The following SPAG16 variants were observed in gnomAD, a reference collection of about 807,000 sequenced individuals.
SPAG16 encodes sperm associated antigen 16, also known as sperm-associated antigen 16 protein.
Under a neutral mutation model 80.4 loss-of-function variants are expected in SPAG16, and 86 were observed. The observed-to-expected ratio is 1.07, with a 90% CI of 0.90 to 1.28. The LOEUF is 1.28. SPAG16 is among the 50% of genes most tolerant of loss of function. The pLI, the probability that SPAG16 is intolerant of heterozygous loss-of-function variation, is 0.00. For missense variants in SPAG16, 870 were observed against 765.3 expected, an observed-to-expected ratio of 1.14 and a Z score of -1.61; for synonymous variants, 294 against 265.9, an observed-to-expected ratio of 1.11 and a Z score of -1.03.
chr2:213,619,074 G>A (rs866464017), intron 10 of SPAG16, among the ~76,000 whole-genome samples: 2 of 152,030 alleles, frequency 1.3e-5, no homozygotes, highest in East Asian at 1.9e-4. Context: ...TTACTACAAC[G>A]GTAAAGCAAC....
At chr2:213,318,268 G>T (rs777224822) in intron 5 of SPAG16, among the ~76,000 whole-genome samples, 5 of 151,936 alleles carry the variant, frequency 3.3e-5, no homozygotes, top group Non-Finnish European at 7.4e-5. Flanking sequence ...TCCATCAGCA[G>T]ATGATGGGAT....
At chr2:213,787,657 A>G (rs1209361217) in intron 10 of SPAG16, among the ~76,000 whole-genome samples, 1 of 152,070 alleles carries the variant, frequency 6.6e-6, no homozygotes, top group Non-Finnish European at 1.5e-5. Context: ...TTTAAATTAT[A>G]TGAACAATTC....
At chr2:214,028,016 A>G (rs539461852) in intron 13 of SPAG16, among the ~76,000 whole-genome samples, 86 of 151,956 alleles carry the variant, frequency 5.7e-4, no homozygotes, top group African/African-American at 2.0e-3. Context: ...TTTCCCTACC[A>G]TCTTCTTAAC....
At chr2:214,177,087 C>T (rs994728872) in intron 15 of SPAG16, among the ~76,000 whole-genome samples, 1 of 151,058 alleles carries the variant, frequency 6.6e-6, no homozygotes, top group African/African-American at 2.4e-5. Flanking sequence ...GAATAAATCT[C>T]TTAAACACAA....
intron 12 of SPAG16, among the ~76,000 whole-genome samples, chr2:213,940,814 T>C (rs114408005): frequency 6.6e-6 from 1 of 152,108 alleles, no homozygotes; most frequent in Non-Finnish European, 1.5e-5. Flanking sequence ...CACACATAAA[T>C]TGTATATGCA....
chr2:213,887,522 T>C (rs574327713), intron 11 of SPAG16, among the ~76,000 whole-genome samples: 1 of 152,024 alleles, frequency 6.6e-6, no homozygotes, highest in East Asian at 1.9e-4. Context: ...ATGAAACATG[T>C]AATTTAAAAA....
chr2:213,940,672 T>G (rs2079161427), intron 12 of SPAG16, among the ~76,000 whole-genome samples: 1 of 139,458 alleles, frequency 7.2e-6, no homozygotes, highest in South Asian at 2.6e-4. Flanking sequence ...TTTACATACA[T>G]AAATTAATAT....
intron 5 of SPAG16, among the ~76,000 whole-genome samples, chr2:213,339,302 C>A (rs115370996): frequency 0.014 from 2,172 of 152,228 alleles, 26 homozygotes; most frequent in South Asian, 0.037. Flanking sequence ...AAGTAGATTT[C>A]TTCTGTTTCA....
chr2:213,925,272 A>G (rs965625201), intron 11 of SPAG16, among the ~76,000 whole-genome samples: 3 of 152,004 alleles, frequency 2.0e-5, no homozygotes, highest in Admixed American at 6.6e-5. Context: ...TTCTGTCCCT[A>G]AAATATATCC....
intron 14 of SPAG16, among the ~76,000 whole-genome samples, chr2:214,142,182 A>G (rs1017536526): frequency 1.3e-5 from 2 of 152,120 alleles, no homozygotes; most frequent in South Asian, 2.1e-4. Flanking sequence ...CATCCTATCT[A>G]TAGAGCCCTA....
At chr2:214,264,423 C>T (rs976351089) in intron 15 of SPAG16, among the ~76,000 whole-genome samples, 13 of 152,102 alleles carry the variant, frequency 8.5e-5, no homozygotes, top group African/African-American at 3.1e-4. Context: ...TGCCCTGCCC[C>T]TGCCTGTGGA....
chr2:214,354,765 T>C (rs1698664475), intron 15 of SPAG16, among the ~76,000 whole-genome samples: 1 of 152,092 alleles, frequency 6.6e-6, no homozygotes, highest in South Asian at 2.1e-4. Context: ...GAAGCAATTG[T>C]GAATGGGAGT....
At chr2:214,037,976 A>G (rs776668518) in intron 13 of SPAG16, among the ~76,000 whole-genome samples, 3 of 151,364 alleles carry the variant, frequency 2.0e-5, no homozygotes, top group Non-Finnish European at 2.9e-5. Context: ...TGCAGAACAT[A>G]TTGGGTTTTA....
chr2:213,728,398 T>C (rs2066871225), intron 10 of SPAG16, among the ~76,000 whole-genome samples: 1 of 152,098 alleles, frequency 6.6e-6, no homozygotes, highest in Non-Finnish European at 1.5e-5. Flanking sequence ...TTTTCACCAG[T>C]AACTCACAGG....
chr2:214,153,404 T>C (rs1051426667), intron 15 of SPAG16, among the ~76,000 whole-genome samples: 12 of 152,206 alleles, frequency 7.9e-5, no homozygotes, highest in South Asian at 2.1e-4. Context: ...CTAATGATTA[T>C]TGATATTCAT....
intron 12 of SPAG16, among the ~76,000 whole-genome samples, chr2:213,938,290 T>G (rs1489113642): frequency 6.6e-6 from 1 of 152,010 alleles, no homozygotes; most frequent in East Asian, 1.9e-4. Flanking sequence ...ATTTCTACAC[T>G]AATGTATGGT....
chr2:214,376,147 C>T (rs1700115224), intron 15 of SPAG16, among the ~76,000 whole-genome samples: 1 of 151,904 alleles, frequency 6.6e-6, no homozygotes, highest in Admixed American at 6.6e-5. Flanking sequence ...AAATATGTGA[C>T]AAATTGTTGA....
intron 12 of SPAG16, among the ~76,000 whole-genome samples, chr2:213,942,366 A>T (rs1384326540): frequency 1.3e-5 from 2 of 152,164 alleles, no homozygotes; most frequent in Non-Finnish European, 2.9e-5. Flanking sequence ...TTCCTCCTCC[A>T]TATTCAAATC....
intron 15 of SPAG16, among the ~76,000 whole-genome samples, chr2:214,399,598 C>T (rs1701595187): frequency 6.6e-6 from 1 of 152,002 alleles, no homozygotes; most frequent in South Asian, 2.1e-4. Context: ...ATAACTCTGA[C>T]TTTTAGAGTC....
Sources: gnomAD v4.1 joint callset for allele counts (sites outside exome capture counted in the v4.1 genomes callset) on GRCh38, gnomAD v4.1.1 for gene constraint, MANE v1.5 for transcripts, NCBI Gene and HGNC (gene_info 2026-07-23, HGNC 2026-07-21) for gene names.